VAV3: variants seen among roughly 807,000 people sequenced by gnomAD.
VAV3 encodes the protein vav guanine nucleotide exchange factor 3.
In VAV3, 94 loss-of-function variants were observed where a neutral mutation model predicts 131.2. That is an observed-to-expected ratio of 0.72 (90% CI 0.61 to 0.85). The LOEUF is 0.85. VAV3 is among the 40% of genes least tolerant of loss of function. VAV3 has a pLI of 0.00. For missense variants in VAV3, 939 were observed against 1,002.7 expected (o/e 0.94, Z 0.86); for synonymous variants, 349 against 342.0 (o/e 1.02, Z -0.22).
intron 1 of VAV3, among the ~76,000 whole-genome samples, chr1:107,921,221 T>A (rs1009586774): frequency 2.1e-4 from 32 of 152,180 alleles, no homozygotes; most frequent in African/African-American, 6.8e-4. Context: ...GCCTTAAGGA[T>A]CTATGTATCC....
At chr1:107,636,081 T>C (rs1315945402) in intron 20 of VAV3, among the ~76,000 whole-genome samples, 1 of 152,242 alleles carries the variant, frequency 6.6e-6, no homozygotes, top group Non-Finnish European at 1.5e-5. Flanking sequence ...ATTGTTGTCA[T>C]CATTACTATA....
In VAV3 at chr1:107,860,590, T is replaced by C. The variant is rs186141192; in HGVS notation, c.321+14311A>G. ...ATAGTGTCCCTTTCTTTAAATGGCT[T>C]CTATTCTCTCCTTCGATTTTAAATT... On this transcript the variant is annotated intron_variant, in intron 2 of 26. Coordinates refer to ENST00000370056, the MANE Select transcript of VAV3 (RefSeq NM_006113.5). Among the ~76,000 whole-genome samples the C allele has an allele frequency of 2.5e-3, 383 of 151,764 alleles. 14 individuals carry two copies. Among genetic ancestry groups the C allele is most frequent in the Non-Finnish European group, 2.2e-3 (148 of 67,838 alleles).
At chr1:107,655,991 A>G (rs962639986) in intron 19 of VAV3, among the ~76,000 whole-genome samples, 8 of 152,126 alleles carry the variant, frequency 5.3e-5, no homozygotes, top group African/African-American at 1.7e-4. Flanking sequence ...ACCCTCATAT[A>G]CTATTGGTGG....
chr1:107,898,647 T>C (rs1671719508), intron 1 of VAV3, among the ~76,000 whole-genome samples: 1 of 152,204 alleles, frequency 6.6e-6, no homozygotes, highest in African/African-American at 2.4e-5. Flanking sequence ...ATATGTTTTA[T>C]TACACTTAAT....
At chr1:107,721,148 T>A (rs1009914130) in intron 15 of VAV3, among the ~76,000 whole-genome samples, 1 of 152,114 alleles carries the variant, frequency 6.6e-6, no homozygotes, top group Non-Finnish European at 1.5e-5. Context: ...AATTTAGGCA[T>A]AAGAGACTGA....
At chr1:107,691,407 G>T (rs1289803236) in intron 17 of VAV3, among the ~76,000 whole-genome samples, 1 of 152,108 alleles carries the variant, frequency 6.6e-6, no homozygotes, top group Non-Finnish European at 1.5e-5. Flanking sequence ...TGGATCTCTA[G>T]AAAACTCTGT....
intron 15 of VAV3, among the ~76,000 whole-genome samples, chr1:107,736,676 T>C (rs1662658443): frequency 6.6e-6 from 1 of 151,940 alleles, no homozygotes; most frequent in Non-Finnish European, 1.5e-5. Flanking sequence ...CAAGGAGAAC[T>C]ACAAACCACT....
chr1:107,668,818 T>C (rs1033446667), intron 19 of VAV3: 2 of 985,516 alleles, frequency 2.0e-6, no homozygotes, highest in South Asian at 4.7e-5. Context: ...AGGAGAAACA[T>C]ACAGTTTTGA....
chr1:107,670,678 T>C (rs1657725641), intron 19 of VAV3, among the ~76,000 whole-genome samples: 1 of 152,174 alleles, frequency 6.6e-6, no homozygotes, highest in Non-Finnish European at 1.5e-5. Context: ...AGGCAGCGAT[T>C]AATGAGATGC....
chr1:107,572,468 C>A lies in VAV3; in HGVS notation c.*863G>T, dbSNP rs1027501550. On this transcript the variant is annotated 3_prime_UTR_variant, in exon 27 of 27. Transcript: ENST00000370056. ...GCTATAAAATGACATAAATTATAGC[C>A]CTTGATCTGTTTCTGTAAACAATGC... The A allele has an allele frequency of 6.6e-6, 1 of 152,292 alleles. No homozygotes were observed. Among genetic ancestry groups the A allele is most frequent in the Non-Finnish European group, 1.5e-5 (1 of 67,984 alleles). The allele number at this position is 152,292 out of a possible 1,614,324, so 9.4% of individuals were successfully genotyped here. A position where few individuals can be genotyped will look rare whatever the true frequency, so the allele number is the denominator to read the frequency against.
intron 1 of VAV3, among the ~76,000 whole-genome samples, chr1:107,888,139 A>G (rs76125233): frequency 6.6e-6 from 1 of 152,310 alleles, no homozygotes; most frequent in East Asian, 1.9e-4. Context: ...TGGCATAATA[A>G]AATACATCAG....
chr1:107,589,257 C>T (rs1650750810), intron 25 of VAV3, among the ~76,000 whole-genome samples: 1 of 152,180 alleles, frequency 6.6e-6, no homozygotes, highest in African/African-American at 2.4e-5. Flanking sequence ...TTATTTGAAA[C>T]AGGGGTCTTT....
In VAV3 at chr1:107,691,547, G is replaced by T. The variant is rs183736901; in HGVS notation, c.1706-3141C>A. The stretch of plus-strand genomic sequence containing the variant: ...ATGGGATGAAAAAGTCTCTCTTTCT[G>T]TATCTCTCTTTTTCTCCTGGGAACT... On this transcript the variant is annotated intron_variant, in intron 17 of 26. Coordinates refer to ENST00000370056, the MANE Select transcript of VAV3 (RefSeq NM_006113.5). 4.5e-4 allele frequency among the ~76,000 whole-genome samples: 68 copies of T among 152,240 alleles called. No individual in the cohort carries two copies. The East Asian group carries it at 0.01, about 23-fold the overall frequency.
intron 25 of VAV3, among the ~76,000 whole-genome samples, chr1:107,576,871 C>T (rs2100989666): frequency 6.6e-6 from 1 of 152,292 alleles, no homozygotes; most frequent in African/African-American, 2.4e-5. Context: ...ATGAAACATG[C>T]AGAACCCATG....
chr1:107,613,879 C>T (rs186504252), intron 21 of VAV3, among the ~76,000 whole-genome samples: 54 of 152,006 alleles, frequency 3.6e-4, no homozygotes, highest in African/African-American at 1.1e-3. Flanking sequence ...TTATTTGAGA[C>T]GGAGTCTCGC....
intron 7 of VAV3, among the ~76,000 whole-genome samples, chr1:107,767,308 G>A (rs1290325080): frequency 6.6e-6 from 1 of 152,118 alleles, no homozygotes; most frequent in Non-Finnish European, 1.5e-5. Flanking sequence ...CAGGATATGA[G>A]GCAACTTGAA....
Position 107,624,417 on chromosome 1 carries a change from A to T in VAV3, c.1915-6785T>A, listed in dbSNP as rs938955407. 1.5e-3 allele frequency among the ~76,000 whole-genome samples: 212 copies of T among 140,672 alleles called. 1 individual carries two copies. Among genetic ancestry groups the T allele is most frequent in the African/African-American group, 5.4e-3 (207 of 38,622 alleles). 92.3% of individuals were successfully genotyped at this position (140,672 alleles called of 152,430 possible). On this transcript the variant is annotated intron_variant, in intron 20 of 26. Coordinates refer to ENST00000370056, the MANE Select transcript of VAV3 (RefSeq NM_006113.5). ...GTGTGTGTGTGTGTGTGTGTGTGAA[A>T]GAAACAAGAGAATACCTTTAATGAT...
At chr1:107,740,332 T>C (rs1662938374) in intron 15 of VAV3, among the ~76,000 whole-genome samples, 1 of 151,462 alleles carries the variant, frequency 6.6e-6, no homozygotes, top group African/African-American at 2.4e-5. Flanking sequence ...GACTACTGAA[T>C]AGAGAAAAAG....
At chr1:107,883,909 C>G (rs376513227) in intron 1 of VAV3, among the ~76,000 whole-genome samples, 4 of 152,320 alleles carry the variant, frequency 2.6e-5, no homozygotes, top group Admixed American at 6.5e-5. Context: ...AAAAGGAAGA[C>G]AAGCAGCATC....
Sources: allele counts gnomAD v4.1 joint callset (sites outside exome capture counted in the v4.1 genomes callset), GRCh38; gene constraint gnomAD v4.1.1; transcripts MANE v1.5; gene names NCBI Gene and HGNC (gene_info 2026-07-23, HGNC 2026-07-21).